The following MCEE variants were observed in gnomAD, a reference collection of about 807,000 sequenced individuals.
MCEE encodes methylmalonyl-CoA epimerase, also known as methylmalonyl-CoA epimerase, mitochondrial.
In MCEE, 6 loss-of-function variants were observed where a neutral mutation model predicts 12.9. The ratio of observed to expected loss-of-function variants is 0.47; its 90% CI spans 0.26 to 0.92. The LOEUF (loss-of-function observed/expected upper bound fraction) is 0.92, where lower values mean the gene tolerates loss of function less well. Among genes scored for constraint, MCEE ranks in the 40% least tolerant of loss-of-function variants. MCEE has a pLI of 0.16. For missense variants in MCEE, 214 were observed against 212.1 expected (o/e 1.01, Z -0.05); for synonymous variants, 78 against 77.9 (o/e 1.00, Z -0.01).
At chr2:71,112,092 TTTC>T (rs1368256627) in intron 2 of MCEE, among the ~76,000 whole-genome samples, 1 of 152,192 alleles carries the variant, frequency 6.6e-6, no homozygotes, top group Non-Finnish European at 1.5e-5. Flanking sequence ...CTTTTAAGAT[TTTC>T]TTGTCATCTT....
intron 2 of MCEE, among the ~76,000 whole-genome samples, chr2:71,118,081 A>T (rs1396430765): frequency 1.3e-5 from 2 of 149,798 alleles, no homozygotes; most frequent in South Asian, 2.1e-4. Context: ...TCCCGCCCGG[A>T]AGCGTCCCAG....
intron 2 of MCEE, among the ~76,000 whole-genome samples, chr2:71,117,291 C>T (rs1265620384): frequency 6.6e-6 from 1 of 150,590 alleles, no homozygotes; most frequent in African/African-American, 2.5e-5. Flanking sequence ...CAGAAGAGCA[C>T]ATGTTACCTA....
intron 1 of MCEE, among the ~76,000 whole-genome samples, chr2:71,126,809 G>GT (rs1673244272): frequency 6.6e-6 from 1 of 152,094 alleles, no homozygotes; most frequent in Admixed American, 6.5e-5. Flanking sequence ...TAGAAACGGT[G>GT]TATCTTTAAG....
At position 71,124,514 on chromosome 2, in the gene MCEE, G is replaced by A. The variant is rs752199148; in HGVS notation, c.70C>T (p.Pro24Ser). 1 of 1,614,008 alleles carries A rather than the reference G, an allele frequency of 6.2e-7. No individual in the cohort carries two copies. Among genetic ancestry groups the A allele is most frequent in the Non-Finnish European group, 8.5e-7 (1 of 1,180,014 alleles). ...GATGTGGAAGAAGCTCTTACTGTTG[G>A]AATGGGAGCTTGAAGTCTGGAAAAA... ...GLFSRLQAPI[P>S]TVRASSTSQP... The change falls in exon 2 of 3, where the codon CCA becomes TCA. Residue 24 changes from proline (P) to serine (S), a missense_variant. Transcript: ENST00000244217.
intron 2 of MCEE, among the ~76,000 whole-genome samples, chr2:71,119,950 G>A (rs1255750224): frequency 6.7e-6 from 1 of 149,846 alleles, no homozygotes; most frequent in African/African-American, 2.5e-5. Context: ...CTACTCAGGA[G>A]GCTGAGGTAG....
chr2:71,119,639 GCT>G (rs1279135968), intron 2 of MCEE, among the ~76,000 whole-genome samples: 2 of 150,430 alleles, frequency 1.3e-5, no homozygotes, highest in African/African-American at 2.5e-5. Flanking sequence ...AAGCAGGCAA[GCT>G]CTGGGTAGAC....
At chr2:71,122,561 T>C (rs1673120084) in intron 2 of MCEE, among the ~76,000 whole-genome samples, 1 of 152,172 alleles carries the variant, frequency 6.6e-6, no homozygotes, top group African/African-American at 2.4e-5. Flanking sequence ...AAGTCACATC[T>C]TACATGGATG....
chr2:71,123,095 G>C (rs1246116374), intron 2 of MCEE, among the ~76,000 whole-genome samples: 2 of 152,170 alleles, frequency 1.3e-5, no homozygotes, highest in Admixed American at 6.5e-5. Context: ...CCAAGTACTT[G>C]GCAGAATACA....
In MCEE at chr2:71,124,186, C is replaced by T; in HGVS notation, c.378+20G>A. ...TAAAAGAGAGATTTAAAATACCAGG[C>T]ATTAAAATAATTAAAATACCTCGAT... is the stretch of plus-strand genomic sequence containing the variant. On this transcript the variant is annotated intron_variant, in intron 2 of 2. Transcript: ENST00000244217. 1.3e-6 allele frequency: 2 copies of T among 1,541,664 alleles called. No homozygotes were observed. The highest frequency in any genetic ancestry group is 1.1e-5 in the South Asian group (1 of 89,182).
chr2:71,124,205 C>A lies in MCEE; in HGVS notation c.378+1G>T, dbSNP rs755553488. 1.9e-6 allele frequency: 3 copies of A among 1,606,990 alleles called. No individual in the cohort carries two copies. The highest frequency in any genetic ancestry group is 1.7e-6 in the Non-Finnish European group (2 of 1,173,810). On this transcript the variant is annotated splice_donor_variant, in intron 2 of 2. Coordinates refer to ENST00000244217, the MANE Select transcript of MCEE (RefSeq NM_032601.4). LOFTEE classifies it high-confidence loss of function. The stretch of plus-strand genomic sequence containing the variant: ...ACCAGGCATTAAAATAATTAAAATA[C>A]CTCGATGCAGATGTGATGCATTCCT...
rs1673177590 is a variant in MCEE, at chr2:71,124,492, G to A, written c.92C>T (p.Thr31Ile). 1 of 1,614,160 alleles carries A rather than the reference G, an allele frequency of 6.2e-7. No individual in the cohort carries two copies. Among genetic ancestry groups the A allele is most frequent in the African/African-American group, 1.3e-5 (1 of 75,056 alleles). ...TGTCACTTGATCCAAGGGCTGTGATGTGGAAGAAGCTCTTACTGTTGGAAT... is the reference window on the plus strand; with the variant it reads ...TGTCACTTGATCCAAGGGCTGTGATATGGAAGAAGCTCTTACTGTTGGAAT... ...APIPTVRASS[T>I]SQPLDQVTGS... The change falls in exon 2 of 3, where the codon ACA (threonine) becomes ATA (isoleucine). Residue 31 changes from threonine (T) to isoleucine (I), a missense_variant. Thr to Ile is a moderately conservative substitution (Grantham distance 89, BLOSUM62 -1). Transcript: ENST00000244217.
At chr2:71,124,919 T>C (rs981381767) in intron 1 of MCEE, among the ~76,000 whole-genome samples, 29 of 152,066 alleles carry the variant, frequency 1.9e-4, no homozygotes, top group Admixed American at 1.7e-3. Flanking sequence ...GCAATTTCTC[T>C]ACCTGTACCC....
intron 2 of MCEE, among the ~76,000 whole-genome samples, chr2:71,119,051 C>T (rs1673049342): frequency 6.7e-6 from 1 of 150,222 alleles, no homozygotes; most frequent in Non-Finnish European, 1.5e-5. Context: ...AATGACTCTT[C>T]TGCTCTGTCC....
At chr2:71,125,668 G>C (rs1432745723) in intron 1 of MCEE, among the ~76,000 whole-genome samples, 2 of 152,136 alleles carry the variant, frequency 1.3e-5, no homozygotes, top group Non-Finnish European at 2.9e-5. Context: ...AAAATTCACT[G>C]TCGCTGTGTC....
chr2:71,110,242 G>GAGGA, intron 2 of MCEE, 120 bp from the exon 3 acceptor site: 3 of 797,062 alleles, frequency 3.8e-6, no homozygotes, highest in Non-Finnish European at 6.1e-6. Context: ...CCTGTGGGCA[G>GAGGA]GACCATTCTT....
intron 2 of MCEE, among the ~76,000 whole-genome samples, chr2:71,111,887 C>T (rs1485179110): frequency 6.6e-6 from 1 of 152,148 alleles, no homozygotes; most frequent in African/African-American, 2.4e-5. Flanking sequence ...TCCTGTGCTG[C>T]CTGATGTCCA....
chr2:71,116,153 T>C (rs1390600243), intron 2 of MCEE, among the ~76,000 whole-genome samples: 2 of 149,820 alleles, frequency 1.3e-5, no homozygotes, highest in Non-Finnish European at 2.9e-5. Context: ...CAATCTCAGC[T>C]CACTGCAAGC....
intron 1 of MCEE, chr2:71,129,961 G>A: frequency 1.6e-6 from 1 of 628,906 alleles, no homozygotes; most frequent in Non-Finnish European, 2.9e-6. Context: ...ACAGCTCTCG[G>A]ATGGAAATGG....
At chr2:71,126,535 C>T (rs957180250) in intron 1 of MCEE, among the ~76,000 whole-genome samples, 12 of 102,994 alleles carry the variant, frequency 1.2e-4, no homozygotes, top group African/African-American at 3.1e-4. Context: ...CTAAACTGTA[C>T]ATTTTTAAAG....
Sources: allele counts gnomAD v4.1 joint callset (sites outside exome capture counted in the v4.1 genomes callset), GRCh38; gene constraint gnomAD v4.1.1; transcripts MANE v1.5; gene names NCBI Gene and HGNC (gene_info 2026-07-23, HGNC 2026-07-21).